Variants in SFXN5 observed in about 807,000 individuals in gnomAD.
SFXN5 encodes the protein sideroflexin-5.
SFXN5 carries 43 observed loss-of-function variants against 50.2 expected under a neutral mutation model. The observed-to-expected ratio is 0.86, with a 90% confidence interval of 0.67 to 1.11. SFXN5 has a LOEUF of 1.11. Among genes scored for constraint, SFXN5 ranks in the 50% least tolerant of loss-of-function variants. The pLI, the probability that SFXN5 is intolerant of heterozygous loss-of-function variation, is 0.00. For missense variants in SFXN5, 463 were observed against 454.1 expected, an observed-to-expected ratio of 1.02 and a Z score of -0.18; for synonymous variants, 203 against 185.8, an observed-to-expected ratio of 1.09 and a Z score of -0.75.
At chr2:73,069,148 G>T (rs1481264614) in intron 1 of SFXN5, among the ~76,000 whole-genome samples, 2 of 152,162 alleles carry the variant, frequency 1.3e-5, no homozygotes, top group Non-Finnish European at 2.9e-5. Context: ...CCATTGGAGG[G>T]TATTTAAATC....
At chr2:72,971,422 T>G in intron 11 of SFXN5, 148 bp downstream of exon 11, 1 of 580,400 alleles carries the variant, frequency 1.7e-6, no homozygotes, top group Non-Finnish European at 3.1e-6. Context: ...CTCATGCAGA[T>G]TGGAGGTGGG....
chr2:73,031,170 C>A (rs1367221471), intron 3 of SFXN5, among the ~76,000 whole-genome samples: 1 of 152,230 alleles, frequency 6.6e-6, no homozygotes, highest in Non-Finnish European at 1.5e-5. Flanking sequence ...GGCTGGCCTG[C>A]TACACATTTC....
At chr2:72,970,351 T>G (rs1178403583) in intron 11 of SFXN5, among the ~76,000 whole-genome samples, 2 of 152,184 alleles carry the variant, frequency 1.3e-5, no homozygotes, top group African/African-American at 4.8e-5. Flanking sequence ...CCAGTGCCAG[T>G]GCAGGGAGCA....
intron 2 of SFXN5, among the ~76,000 whole-genome samples, chr2:73,044,916 A>G (rs1680124868): frequency 6.6e-6 from 1 of 152,248 alleles, no homozygotes; most frequent in Admixed American, 6.5e-5. Flanking sequence ...TCCTGCCTCA[A>G]GGCCCCACCT....
chr2:72,984,932 G>A (rs192843665), intron 10 of SFXN5, among the ~76,000 whole-genome samples: 8 of 152,252 alleles, frequency 5.3e-5, no homozygotes, highest in Non-Finnish European at 8.8e-5. Flanking sequence ...GCAGAGCCTT[G>A]GGAAGAAGAA....
At chr2:72,984,304 C>A (rs1671641890) in intron 10 of SFXN5, among the ~76,000 whole-genome samples, 2 of 152,372 alleles carry the variant, frequency 1.3e-5, no homozygotes, top group African/African-American at 4.8e-5. Flanking sequence ...GGGCTTCCCA[C>A]ATACTCAGCA....
intron 13 of SFXN5, among the ~76,000 whole-genome samples, chr2:72,949,659 A>T (rs1214944784): frequency 1.3e-5 from 2 of 150,808 alleles, no homozygotes; most frequent in East Asian, 3.9e-4. Flanking sequence ...TGGAGGATGG[A>T]CTGGAGGGGT....
Position 72,973,841 on chromosome 2 carries a change from C to T in SFXN5, c.626-2156G>A, listed in dbSNP as rs1670311516. On this transcript the variant is annotated intron_variant, in intron 10 of 13. Coordinates refer to ENST00000272433, the MANE Select transcript of SFXN5 (RefSeq NM_144579.3). The surrounding 1 kb of genome is among the most constrained non-coding windows in gnomAD (Gnocchi z 5.5). ...CCCCCATGCCCTTGGAGCTGCCAGG[C>T]TTTCGGTTCCCAGGAGACCTAAGAA... Among the ~76,000 whole-genome samples, 2 of 152,184 alleles carry T rather than the reference C, an allele frequency of 1.3e-5. No individual in the cohort carries two copies. Among genetic ancestry groups the T allele is most frequent in the South Asian group, 4.1e-4 (2 of 4,832 alleles).
Position 72,960,586 on chromosome 2 carries a change from G to C in SFXN5, c.945+545C>G, listed in dbSNP as rs1259528352. On this transcript the variant is annotated intron_variant, in intron 13 of 13. Transcript: ENST00000272433. The surrounding 1 kb of genome is among the most constrained non-coding windows in gnomAD (Gnocchi z 6.1). The stretch of plus-strand genomic sequence containing the variant: ...GAATCAGGCATCTGTGGTCTGCCCT[G>C]CACAGCCCTTAGGAGGACATTCACC... 6.6e-6 allele frequency among the ~76,000 whole-genome samples: 1 copy of C among 152,084 alleles called. No homozygotes were observed. The highest frequency in any genetic ancestry group is 2.4e-5 in the African/African-American group (1 of 41,388).
At position 73,050,388 on chromosome 2, in the gene SFXN5, G is replaced by GCGCACACACACACACACACACACA; in HGVS notation, c.171+8139_171+8140insTGTGTGTGTGTGTGTGTGTGTGCG. On this transcript the variant is annotated intron_variant, in intron 2 of 13. Transcript: ENST00000272433. Reference sequence around the variant, plus strand: ...GTGGAGGTAGCGCCGCAGCCACAGCGCACGCACACACACACACACACACAC... The same window carrying GCGCACACACACACACACACACACA: ...GTGGAGGTAGCGCCGCAGCCACAGCGCGCACACACACACACACACACACACACGCACACACACACACACACACAC... Among the ~76,000 whole-genome samples, 394 of 143,894 alleles carry GCGCACACACACACACACACACACA rather than the reference G, an allele frequency of 2.7e-3. 1 individual carries two copies. Among genetic ancestry groups the GCGCACACACACACACACACACACA allele is most frequent in the East Asian group, 3.8e-3 (18 of 4,740 alleles). The allele number at this position is 143,894 out of a possible 152,430, so 94.4% of individuals were successfully genotyped here.
At chr2:73,018,604 T>A (rs1463643056) in intron 6 of SFXN5, among the ~76,000 whole-genome samples, 1 of 152,240 alleles carries the variant, frequency 6.6e-6, no homozygotes, top group Non-Finnish European at 1.5e-5. Flanking sequence ...TAGGAAAATT[T>A]GAGACTATGC....
At chr2:73,027,832 T>C (rs895753757) in intron 3 of SFXN5, among the ~76,000 whole-genome samples, 1 of 152,100 alleles carries the variant, frequency 6.6e-6, no homozygotes, top group African/African-American at 2.4e-5. Flanking sequence ...GCTAACTTTT[T>C]GTGTGCTTTT....
At chr2:73,050,704 G>T (rs79811695) in intron 2 of SFXN5, among the ~76,000 whole-genome samples, 1 of 152,146 alleles carries the variant, frequency 6.6e-6, no homozygotes, top group East Asian at 1.9e-4. Context: ...GGTCATTCTC[G>T]CATTGTCTTA....
intron 3 of SFXN5, among the ~76,000 whole-genome samples, chr2:73,037,192 C>T (rs1005660290): frequency 6.6e-6 from 1 of 152,258 alleles, no homozygotes; most frequent in Non-Finnish European, 1.5e-5. Context: ...CCAGCCCTGT[C>T]AGCCCTCATA....
chr2:73,034,613 A>G (rs965977750), intron 3 of SFXN5, among the ~76,000 whole-genome samples: 5 of 152,000 alleles, frequency 3.3e-5, no homozygotes, highest in African/African-American at 1.2e-4. Context: ...CTGGTTCCCA[A>G]CCTCTGGGGA....
chr2:73,013,116 T>A (rs1279034014), intron 6 of SFXN5, among the ~76,000 whole-genome samples: 1 of 152,140 alleles, frequency 6.6e-6, no homozygotes, highest in East Asian at 1.9e-4. Context: ...GGATATGCAG[T>A]CATAACCATC....
intron 2 of SFXN5, among the ~76,000 whole-genome samples, chr2:73,043,887 C>T (rs1679960313): frequency 6.6e-6 from 1 of 152,162 alleles, no homozygotes; most frequent in South Asian, 2.1e-4. Flanking sequence ...GTTGTTTCAA[C>T]TTGCTTAAGG....
At chr2:73,049,571 G>T (rs2105973221) in intron 2 of SFXN5, 1 of 152,222 alleles carries the variant, frequency 6.6e-6, no homozygotes, top group Non-Finnish European at 1.5e-5. Context: ...CTTTTACAAG[G>T]GCCTTAATTC....
At chr2:73,023,321 G>A (rs1677141907) in intron 3 of SFXN5, 107 bp from the exon 4 acceptor site, 1 of 1,191,232 alleles carries the variant, frequency 8.4e-7, no homozygotes, top group African/African-American at 1.5e-5. Flanking sequence ...AGCTCCGAAA[G>A]CCCGAAAGAA....
Sources: allele counts gnomAD v4.1 joint callset (sites outside exome capture counted in the v4.1 genomes callset), GRCh38; gene constraint gnomAD v4.1.1; non-coding constraint Gnocchi (gnomAD v3.1); transcripts MANE v1.5; gene names NCBI Gene and HGNC (gene_info 2026-07-23, HGNC 2026-07-21).